IL13RA1: variants seen among roughly 807,000 people sequenced by gnomAD.
IL13RA1 encodes the protein interleukin 13 receptor subunit alpha 1, also known as interleukin-13 receptor subunit alpha-1.
In IL13RA1, 14 loss-of-function variants were observed where a neutral mutation model predicts 33.8. The observed-to-expected ratio is 0.41, with a 90% CI of 0.27 to 0.65. The LOEUF is 0.65. IL13RA1 is among the 30% of genes least tolerant of loss of function. The probability of loss-of-function intolerance (pLI) is 0.28; values close to 1 mark genes in which losing one functional copy is unlikely to be tolerated. For missense variants in IL13RA1, 313 were observed against 327.0 expected, an observed-to-expected ratio of 0.96 and a Z score of 0.33; for synonymous variants, 116 against 115.7, an observed-to-expected ratio of 1.00 and a Z score of -0.02.
chrX:118,776,602 C>T (rs2017787514), intron 10 of IL13RA1, 91 bp downstream of exon 10: 1 of 399,871 alleles, frequency 2.5e-6, no homozygotes, highest in East Asian at 4.1e-5. Flanking sequence ...GGTAAGGTAT[C>T]CATAACATAA....
At chrX:118,776,540 T>TG (rs777324801) in intron 10 of IL13RA1, 29 bp downstream of exon 10, 3 of 395,720 alleles carry the variant, frequency 7.6e-6, no homozygotes, top group Non-Finnish European at 1.2e-5. Context: ...GGGCTTGAAA[T>TG]GTTTTTTTTT....
chrX:118,761,310 T>C (rs1254918558), intron 6 of IL13RA1, 21 bp downstream of exon 6: 1 of 837,201 alleles, frequency 1.2e-6, no homozygotes, highest in Non-Finnish European at 1.7e-6. Flanking sequence ...AAAATTATTG[T>C]TTTTATTTGG....
At chrX:118,783,577 A>G (rs1488125393) in intron 10 of IL13RA1, among the ~76,000 whole-genome samples, 1 of 111,498 alleles carries the variant, frequency 9.0e-6, no homozygotes, top group African/African-American at 3.3e-5. Context: ...AAAAAAGGCA[A>G]TCAGAAAGAT....
At chrX:118,732,080 T>G (rs992634881) in intron 1 of IL13RA1, among the ~76,000 whole-genome samples, 2 of 111,749 alleles carry the variant, frequency 1.8e-5, no homozygotes, top group African/African-American at 6.5e-5. Flanking sequence ...TCTTAATCAT[T>G]TTTAAGTACA....
the IL13RA1 span, among the ~76,000 whole-genome samples, chrX:118,805,131 C>A: frequency 8.9e-6 from 1 of 111,922 alleles, no homozygotes; most frequent in Non-Finnish European, 1.9e-5. Flanking sequence ...CCCTGCTATA[C>A]AAACACCTAA....
In IL13RA1 at chrX:118,748,825, C is replaced by T. The variant is rs187593652; in HGVS notation, c.368-833C>T. 1.4e-4 allele frequency among the ~76,000 whole-genome samples: 16 copies of T among 111,451 alleles called. No individual in the cohort carries two copies. In the East Asian group the frequency reaches 4.5e-3, roughly 31 times the overall value. ...ATAGAGATTTTAGGTCAGAAAGATA[C>T]TAGGGCTCTTAAAGTCATGACACTT... On this transcript the variant is annotated intron_variant, in intron 3 of 10. Coordinates refer to ENST00000371666, the MANE Select transcript of IL13RA1 (RefSeq NM_001560.3).
chrX:118,784,088 A>ATATATATATAT (rs1486333613), intron 10 of IL13RA1, among the ~76,000 whole-genome samples: 69 of 50,753 alleles, frequency 1.4e-3, no homozygotes, highest in African/African-American at 6.3e-3. Flanking sequence ...AAAAAAAAAA[A>ATATATATATAT]AAATATATAT....
rs770889174 is a variant in IL13RA1, at chrX:118,728,385, C to T, written c.88+659C>T. Among the ~76,000 whole-genome samples the T allele has an allele frequency of 5.3e-5, 6 of 112,326 alleles. No individual in the cohort carries two copies. The East Asian group carries it at 8.4e-4, about 16-fold the overall frequency. The stretch of plus-strand genomic sequence containing the variant: ...CGGCAGATGCTCCCCCCACCCCACT[C>T]TCTTTAATAAACCTTATATTTTAGG... On this transcript the variant is annotated intron_variant, in intron 1 of 10. Coordinates refer to ENST00000371666, the MANE Select transcript of IL13RA1 (RefSeq NM_001560.3).
the IL13RA1 span, among the ~76,000 whole-genome samples, chrX:118,801,162 A>G: frequency 8.9e-6 from 1 of 112,795 alleles, no homozygotes; most frequent in Admixed American, 9.3e-5. Context: ...TACTAGGTGA[A>G]GAATTACTAA....
At chrX:118,737,753 G>C (rs907259134) in intron 1 of IL13RA1, among the ~76,000 whole-genome samples, 4 of 112,019 alleles carry the variant, frequency 3.6e-5, no homozygotes, top group Non-Finnish European at 5.6e-5. Flanking sequence ...GAGTACAATT[G>C]AAATGAACCA....
downstream of IL13RA1, among the ~76,000 whole-genome samples, chrX:118,797,574 C>T (rs140417519): frequency 0.05 from 5,588 of 112,188 alleles, 134 homozygotes; most frequent in Non-Finnish European, 0.075. Context: ...GATGTCAACA[C>T]CCTAATTCTG....
chrX:118,785,567 CT>C (rs1384502178), intron 10 of IL13RA1, among the ~76,000 whole-genome samples: 2 of 111,177 alleles, frequency 1.8e-5, no homozygotes, highest in African/African-American at 6.5e-5. Context: ...TTTTCCTTTA[CT>C]TTTATTTTGT....
In IL13RA1 at chrX:118,791,938, G is replaced by A; in HGVS notation, c.*84G>A. ...TTTGTTATCTGGGAACTTATTAAAT[G>A]GAAACTGAAACTACTGCACCATTTA... On this transcript the variant is annotated 3_prime_UTR_variant, in exon 11 of 11. Transcript: ENST00000371666. The A allele has an allele frequency of 4.0e-6, 2 of 498,954 alleles. No homozygotes were observed. The highest frequency in any genetic ancestry group is 3.3e-5 in the South Asian group (1 of 30,355). The allele number at this position is 498,954 out of a possible 1,213,427, so 41.1% of individuals were successfully genotyped here. A position where few individuals can be genotyped will look rare whatever the true frequency, so the allele number is the denominator to read the frequency against.
chrX:118,788,825 A>G (rs2017948447), intron 10 of IL13RA1, among the ~76,000 whole-genome samples: 1 of 111,747 alleles, frequency 8.9e-6, no homozygotes, highest in African/African-American at 3.3e-5. Flanking sequence ...TTGCATGATC[A>G]AGGGGGAGGG....
rs186321761 is a variant in IL13RA1, at chrX:118,774,213, G to A, written c.1106+238G>A. 4.0e-5 allele frequency among the ~76,000 whole-genome samples: 4 copies of A among 100,898 alleles called. No homozygotes were observed. The Admixed American group carries it at 4.3e-4, about 11-fold the overall frequency. The allele number at this position is 100,898 out of a possible 115,157, so 87.6% of individuals were successfully genotyped here. ...TGCCCAGGCTGGAGCGCAGTGGTGTGATCTCGGCTCACTGCAGCCTCCACC... is the reference window on the plus strand; with the variant it reads ...TGCCCAGGCTGGAGCGCAGTGGTGTAATCTCGGCTCACTGCAGCCTCCACC... On this transcript the variant is annotated intron_variant, in intron 9 of 10. Transcript: ENST00000371666.
At chrX:118,770,633 G>A (rs768935423) in intron 8 of IL13RA1, 3 of 423,886 alleles carry the variant, frequency 7.1e-6, no homozygotes, top group Non-Finnish European at 1.3e-5. Flanking sequence ...GGGCTGCCGC[G>A]GTGTGTCTAC....
chrX:118,732,950 A>G (rs1318659214), intron 1 of IL13RA1, among the ~76,000 whole-genome samples: 1 of 112,068 alleles, frequency 8.9e-6, no homozygotes, highest in Non-Finnish European at 1.9e-5. Flanking sequence ...TAATGCCCTC[A>G]TGGTTCATGT....
chrX:118,747,815 A>G lies in IL13RA1; in HGVS notation c.367+723A>G, dbSNP rs1011567136. Among the ~76,000 whole-genome samples the G allele has an allele frequency of 3.6e-5, 4 of 110,291 alleles. No homozygotes were observed. In the East Asian group the frequency reaches 1.1e-3, roughly 31 times the overall value. ...CAGGGCTACCAGAAACCAACTGTCT[A>G]ACTTTAAATCCCAGCTCTGCCAGCT... On this transcript the variant is annotated intron_variant, in intron 3 of 10. Coordinates refer to ENST00000371666, the MANE Select transcript of IL13RA1 (RefSeq NM_001560.3).
intron 3 of IL13RA1, among the ~76,000 whole-genome samples, chrX:118,749,250 A>G (rs958896719): frequency 1.8e-5 from 2 of 112,439 alleles, no homozygotes; most frequent in African/African-American, 6.4e-5. Context: ...GTCAGTATTG[A>G]TCAAAAGACA....
Sources: gnomAD v4.1 joint callset for allele counts (sites outside exome capture counted in the v4.1 genomes callset) on GRCh38, gnomAD v4.1.1 for gene constraint, MANE v1.5 for transcripts, NCBI Gene and HGNC (gene_info 2026-07-23, HGNC 2026-07-21) for gene names.